CYP11B1: variants seen among roughly 807,000 people sequenced by gnomAD.
The protein encoded by CYP11B1 is cytochrome P450 family 11 subfamily B member 1.
In CYP11B1, 34 loss-of-function variants were observed where a neutral mutation model predicts 48.3. That is an observed-to-expected ratio of 0.70 (90% CI 0.54 to 0.94). The LOEUF is 0.94. CYP11B1 is among the 40% of genes least tolerant of loss of function. CYP11B1 has a pLI of 0.00. For synonymous variants in CYP11B1, 291 were observed against 262.5 expected (o/e 1.11, Z -1.05); for missense variants, 688 against 657.4 (o/e 1.05, Z -0.51).
intron 8 of CYP11B1, 36 bp from the exon 9 acceptor site, chr8:142,874,522 C>T (rs147474053): frequency 5.0e-5 from 72 of 1,443,168 alleles, no homozygotes; most frequent in East Asian, 2.3e-4. Context: ...TGGCTTGGTC[C>T]GCAGCCCATG....
At chr8:142,876,923 C>G (rs368896004) in intron 3 of CYP11B1, 38 bp from the exon 4 acceptor site, 3 of 1,613,632 alleles carry the variant, frequency 1.9e-6, no homozygotes, top group African/African-American at 1.3e-5. Context: ...AAGGCAGCCC[C>G]GGGCCTCCTG....
At chr8:142,875,414 T>G in intron 6 of CYP11B1, 102 bp from the exon 7 acceptor site, 4 of 1,381,002 alleles carry the variant, frequency 2.9e-6, no homozygotes, top group Non-Finnish European at 4.0e-6. Context: ...CCCAGATCCA[T>G]GGGAAGCCCA....
At chr8:142,876,028 A>C (rs1480389437) in intron 5 of CYP11B1, 150 bp from the exon 6 acceptor site, 1 of 1,167,422 alleles carries the variant, frequency 8.6e-7, no homozygotes, top group East Asian at 2.5e-5. Context: ...ATGCCCATCC[A>C]AACCCCTTTC....
intron 2 of CYP11B1, among the ~76,000 whole-genome samples, chr8:142,877,559 G>T (rs1270110532): frequency 6.6e-6 from 1 of 152,170 alleles, no homozygotes; most frequent in Non-Finnish European, 1.5e-5. Flanking sequence ...GGGATTTTCT[G>T]CAAGAAAGGA....
In CYP11B1 at chr8:142,874,985, T is replaced by A; in HGVS notation, c.1370A>T (p.Glu457Val). 6.2e-7 allele frequency: 1 copy of A among 1,614,024 alleles called. No individual in the cohort carries two copies. Among genetic ancestry groups the A allele is most frequent in the Non-Finnish European group, 8.5e-7 (1 of 1,180,022 alleles). The change falls in exon 8 of 9, where the codon GAG becomes GTG. Residue 457 changes from glutamate to valine, a missense_variant. By Grantham distance (121) the Glu-to-Val change is moderately radical (BLOSUM62 -2). Transcript: ENST00000292427. ...GTGCAGCAGCAGCAGCATCTCTGCC[T>A]CTGCCAGGCGCCGCCCAAGGCACTG... The part of the protein sequence containing the change: ...MRQCLGRRLA[E>V]AEMLLLLHHV...
In CYP11B1 at chr8:142,875,302, C is replaced by A. The variant is rs761835287; in HGVS notation, c.1132G>T (p.Val378Leu). Residue 378 changes from valine (V) to leucine (L), a missense_variant, in exon 7 of 9, where the codon GTG (valine) becomes TTG (leucine). Transcript: ENST00000292427. ...ALKETLRLYP[V>L]GLFLERVASS... Reference sequence around the variant, plus strand: ...GCCACTCGCTCCAGAAACAGACCCACAGGGTAGAGCCTGGAGGTGGGGGCA... The same window carrying A: ...GCCACTCGCTCCAGAAACAGACCCAAAGGGTAGAGCCTGGAGGTGGGGGCA... 1 of 1,613,090 alleles carries A rather than the reference C, an allele frequency of 6.2e-7. No individual in the cohort carries two copies. Among genetic ancestry groups the A allele is most frequent in the Non-Finnish European group, 8.5e-7 (1 of 1,179,930 alleles).
intron 2 of CYP11B1, among the ~76,000 whole-genome samples, chr8:142,877,584 T>A (rs1224784359): frequency 6.6e-6 from 1 of 152,140 alleles, no homozygotes; most frequent in Non-Finnish European, 1.5e-5. Context: ...ACCCCTGTTG[T>A]CAAGCTTTGC....
intron 5 of CYP11B1, 116 bp from the exon 6 acceptor site, chr8:142,875,994 C>T (rs756069980): frequency 1.0e-5 from 14 of 1,337,844 alleles, no homozygotes; most frequent in African/African-American, 8.7e-5. Flanking sequence ...CTGAGAACGA[C>T]AGAGCCCAAG....
intron 2 of CYP11B1, 48 bp from the exon 3 acceptor site, chr8:142,877,270 G>A (rs1816990624): frequency 6.6e-7 from 1 of 1,525,172 alleles, no homozygotes; most frequent in Middle Eastern, 1.9e-4. Context: ...GCAAGACACA[G>A]GCCCTGACCC....
intron 5 of CYP11B1, 40 bp from the exon 6 acceptor site, chr8:142,875,918 A>G (rs928913700): frequency 1.2e-6 from 2 of 1,612,802 alleles, no homozygotes; most frequent in Non-Finnish European, 1.7e-6. Context: ...CTTGCACAGG[A>G]GGACTCAGCC....
rs1268976175 is a variant in CYP11B1 at position 142,875,861 on chromosome 8, C to A, written c.972G>T (p.Leu324=). Residue 324 remains leucine (L), a synonymous_variant, in exon 6 of 9, where the codon CTG becomes CTT. Coordinates refer to ENST00000292427, the MANE Select transcript of CYP11B1 (RefSeq NM_000497.4). ...TCCGAGCCAGCTCAAAGAGCGTCAT[C>A]AGCAAGGGAAACACCGTCTGCAGGA... ...GSVDTTVFPL[L]MTLFELARNP... The A allele has an allele frequency of 6.2e-7, 1 of 1,614,152 alleles. No individual in the cohort carries two copies. Among genetic ancestry groups the A allele is most frequent in the South Asian group, 1.1e-5 (1 of 91,088 alleles).
At position 142,875,859 on chromosome 8, in the gene CYP11B1, A is replaced by G; in HGVS notation, c.974T>C (p.Met325Thr). 1 of 1,614,144 alleles carries G rather than the reference A, an allele frequency of 6.2e-7. No individual in the cohort carries two copies. The highest frequency in any genetic ancestry group is 8.5e-7 in the Non-Finnish European group (1 of 1,180,018). ...SVDTTVFPLL[M>T]TLFELARNPN... is the part of the protein sequence containing the mutation. ...GTTCCGAGCCAGCTCAAAGAGCGTC[A>G]TCAGCAAGGGAAACACCGTCTGCAG... is the stretch of plus-strand genomic sequence containing the variant. The change falls in exon 6 of 9, where the codon ATG becomes ACG. Residue 325 changes from methionine (M) to threonine (T), a missense_variant. By Grantham distance (81) the Met-to-Thr change is moderately conservative. Transcript: ENST00000292427.
rs61752796 is a variant in CYP11B1 at position 142,874,949 on chromosome 8, C to T, written c.1398+8G>A. On this transcript the variant is annotated splice_region_variant and intron_variant, in intron 8 of 8. Transcript: ENST00000292427. ...GCCCAGGCCCCTCCCCAGCCCGGGC[C>T]TGCTCACATGGTGCAGCAGCAGCAG... The T allele has an allele frequency of 8.1e-6, 13 of 1,612,832 alleles. No individual in the cohort carries two copies. Among genetic ancestry groups the T allele is most frequent in the Admixed American group, 1.7e-5 (1 of 60,008 alleles).
Position 142,873,326 on chromosome 8 carries a change from C to G in CYP11B1, c.*1047G>C, listed in dbSNP as rs1816846349. 1 of 152,316 alleles carries G rather than the reference C, an allele frequency of 6.6e-6. No homozygotes were observed. Among genetic ancestry groups the G allele is most frequent in the Non-Finnish European group, 1.5e-5 (1 of 68,108 alleles). 9.4% of individuals were successfully genotyped at this position (152,316 alleles called of 1,614,324 possible). A position where few individuals can be genotyped will look rare whatever the true frequency, so the allele number is the denominator to read the frequency against. ...AAGACAGTCTGGCTGGGTACACTCT[C>G]AAACTGGGTGCTTCCTCTCCCTGCA... On this transcript the variant is annotated 3_prime_UTR_variant, in exon 9 of 9. Transcript: ENST00000292427.
At chr8:142,877,563 G>T (rs868806548) in intron 2 of CYP11B1, among the ~76,000 whole-genome samples, 1 of 152,192 alleles carries the variant, frequency 6.6e-6, no homozygotes, top group Non-Finnish European at 1.5e-5. Context: ...TTTTCTGCAA[G>T]AAAGGAACTG....
intron 2 of CYP11B1, 54 bp downstream of exon 2, chr8:142,878,978 C>G: frequency 6.2e-7 from 1 of 1,604,996 alleles, no homozygotes; most frequent in Non-Finnish European, 8.5e-7. Context: ...TCTCTCGCCT[C>G]CCCCCTACAC....
At position 142,878,806 on chromosome 8, in the gene CYP11B1, A is replaced by G. The variant is rs371751829; in HGVS notation, c.395+226T>C. 1.5e-3 allele frequency among the ~76,000 whole-genome samples: 230 copies of G among 151,914 alleles called. 2 individuals are homozygous for G. The highest frequency in any genetic ancestry group is 6.2e-3 in the South Asian group (30 of 4,802). ...TACACAGAAGGGCTCATTGCTCTGC[A>G]TCTTCTCTGCAGAGGTGCCCGTGCC... On this transcript the variant is annotated intron_variant, in intron 2 of 8. Coordinates refer to ENST00000292427, the MANE Select transcript of CYP11B1 (RefSeq NM_000497.4).
rs201588880 is a variant in CYP11B1, at chr8:142,879,205, A to T, written c.240-18T>A. ...AGTCGTACCTGTGGGGCCAAGCACG[A>T]GGCCGTGCTGGATGGGACCATGTCC... On this transcript the variant is annotated intron_variant, in intron 1 of 8. Coordinates refer to ENST00000292427, the MANE Select transcript of CYP11B1 (RefSeq NM_000497.4). The T allele has an allele frequency of 3.5e-4, 572 of 1,613,900 alleles. No homozygotes were observed. The highest frequency in any genetic ancestry group is 1.3e-3 in the Middle Eastern group (8 of 6,062).
chr8:142,879,531 G>A (rs1296183937), intron 1 of CYP11B1, 44 bp downstream of exon 1: 5 of 1,614,200 alleles, frequency 3.1e-6, no homozygotes, highest in Non-Finnish European at 3.4e-6. Context: ...GGCAGCAAGG[G>A]CAGGGCTCTG....
Sources: allele counts gnomAD v4.1 joint callset (sites outside exome capture counted in the v4.1 genomes callset), GRCh38; gene constraint gnomAD v4.1.1; transcripts MANE v1.5; gene names NCBI Gene and HGNC (gene_info 2026-07-23, HGNC 2026-07-21).